Variants in TTC29 observed in about 807,000 individuals in gnomAD.
TTC29 encodes the protein tetratricopeptide repeat protein 29.
A neutral mutation model predicts 58.1 loss-of-function variants in TTC29; 49 were observed. The ratio of observed to expected loss-of-function variants is 0.84; its 90% CI spans 0.67 to 1.07. TTC29 has a LOEUF of 1.07. TTC29 is among the 50% of genes least tolerant of loss of function. TTC29 has a pLI of 0.00. For missense variants in TTC29, 582 were observed against 555.6 expected, an observed-to-expected ratio of 1.05 and a Z score of -0.48; for synonymous variants, 209 against 196.8, an observed-to-expected ratio of 1.06 and a Z score of -0.52.
chr4:146,768,532 G>T (rs1426075915), intron 11 of TTC29, among the ~76,000 whole-genome samples: 1 of 151,820 alleles, frequency 6.6e-6, no homozygotes, highest in African/African-American at 2.4e-5. Context: ...CAGTCTAAAA[G>T]CAAAATTAAA....
chr4:146,728,496 T>C (rs1743958010), intron 11 of TTC29, among the ~76,000 whole-genome samples: 1 of 151,470 alleles, frequency 6.6e-6, no homozygotes, highest in Non-Finnish European at 1.5e-5. Flanking sequence ...CTTCCTTTAC[T>C]CTCCTGAAAT....
chr4:146,793,827 A>G lies in TTC29; in HGVS notation c.1330+9630T>C, dbSNP rs112484894. 1.6e-3 allele frequency among the ~76,000 whole-genome samples: 244 copies of G among 152,300 alleles called. 1 individual carries two copies. The highest frequency in any genetic ancestry group is 5.7e-3 in the African/African-American group (239 of 41,584). On this transcript the variant is annotated intron_variant, in intron 11 of 12. Transcript: ENST00000325106. Reference sequence around the variant, plus strand: ...ATTCCTATGTTAGATATGGTAAGTGACAGCATTATGCATGATTACCTATGC... The same window carrying G: ...ATTCCTATGTTAGATATGGTAAGTGGCAGCATTATGCATGATTACCTATGC...
rs564530233 is a variant in TTC29 at position 146,809,332 on chromosome 4, G to C, written c.1102-5647C>G. On this transcript the variant is annotated intron_variant, in intron 10 of 12. Coordinates refer to ENST00000325106, the MANE Select transcript of TTC29 (RefSeq NM_031956.4). The stretch of plus-strand genomic sequence containing the variant: ...CATTCAGGACATAGGCATGGGCAAA[G>C]ACTTCATGACTAAAGCACCAAAAGC... Among the ~76,000 whole-genome samples the C allele has an allele frequency of 3.3e-4, 49 of 150,064 alleles. 2 individuals are homozygous for C. The highest frequency in any genetic ancestry group is 5.2e-4 in the Non-Finnish European group (35 of 67,700).
intron 4 of TTC29, among the ~76,000 whole-genome samples, chr4:146,915,844 G>A (rs867207433): frequency 2.6e-5 from 4 of 151,206 alleles, no homozygotes; most frequent in East Asian, 1.9e-4. Flanking sequence ...TTTCAAAAGC[G>A]GTTCAATAAA....
intron 4 of TTC29, among the ~76,000 whole-genome samples, chr4:146,915,019 C>G (rs1350304977): frequency 1.3e-5 from 2 of 152,162 alleles, no homozygotes; most frequent in Non-Finnish European, 2.9e-5. Context: ...CACAATGTGT[C>G]AGGCACTGTG....
intron 10 of TTC29, among the ~76,000 whole-genome samples, chr4:146,809,798 G>T (rs150540309): frequency 1.3e-5 from 2 of 149,808 alleles, no homozygotes; most frequent in East Asian, 2.0e-4. Flanking sequence ...AAATAGAAAC[G>T]TTTTTATCCG....
intron 6 of TTC29, among the ~76,000 whole-genome samples, chr4:146,903,122 T>G (rs889974428): frequency 2.2e-4 from 34 of 152,308 alleles, no homozygotes; most frequent in Middle Eastern, 3.4e-3. Context: ...AAATGAGTAT[T>G]ACATTCAGGA....
chr4:146,871,754 G>T (rs550220038), intron 7 of TTC29, among the ~76,000 whole-genome samples: 11 of 151,814 alleles, frequency 7.2e-5, no homozygotes, highest in African/African-American at 2.4e-4. Context: ...AAAAATTAAA[G>T]AATATTTAAA....
At chr4:146,891,944 C>T (rs1732394005) in intron 6 of TTC29, among the ~76,000 whole-genome samples, 1 of 152,024 alleles carries the variant, frequency 6.6e-6, no homozygotes, top group Non-Finnish European at 1.5e-5. Context: ...GTTCAGGCAC[C>T]CCTGATGTCT....
intron 11 of TTC29, among the ~76,000 whole-genome samples, chr4:146,747,962 C>T (rs896004445): frequency 8.5e-5 from 13 of 152,214 alleles, no homozygotes; most frequent in African/African-American, 3.1e-4. Flanking sequence ...TGTTCCCCAC[C>T]CGCTGGAGCC....
At chr4:146,879,326 A>C (rs1188878166) in intron 6 of TTC29, among the ~76,000 whole-genome samples, 1 of 152,198 alleles carries the variant, frequency 6.6e-6, no homozygotes, top group Non-Finnish European at 1.5e-5. Context: ...CATGATTAAC[A>C]ATGATATGAT....
chr4:146,741,505 T>C (rs940746204), intron 11 of TTC29, among the ~76,000 whole-genome samples: 1 of 151,748 alleles, frequency 6.6e-6, no homozygotes, highest in African/African-American at 2.4e-5. Flanking sequence ...TTTTTTTGCT[T>C]ACTTTATTTG....
chr4:146,838,400 A>G (rs1046627004), intron 8 of TTC29, among the ~76,000 whole-genome samples: 3 of 13,140 alleles, frequency 2.3e-4, no homozygotes, highest in Admixed American at 1.9e-3. Flanking sequence ...GTCAACTGTC[A>G]AAAAAAAAAT....
intron 11 of TTC29, among the ~76,000 whole-genome samples, chr4:146,771,426 A>G (rs565361354): frequency 6.6e-6 from 1 of 152,084 alleles, no homozygotes; most frequent in African/African-American, 2.4e-5. Flanking sequence ...TCTGCCCTCC[A>G]GTAGGCCGAG....
At chr4:146,728,777 ATATATG>A (rs1174398830) in intron 11 of TTC29, among the ~76,000 whole-genome samples, 36 of 120,368 alleles carry the variant, frequency 3.0e-4, no homozygotes, top group African/African-American at 1.0e-3. Flanking sequence ...ATATACACAT[ATATATG>A]TGTATATATA....
chr4:146,851,277 A>T lies in TTC29; in HGVS notation c.885+16221T>A, dbSNP rs1356758704. ...AGTAATCTTCATGCCACAGGTGAAG[A>T]AACTGAAGCACAAGATGGGCCAAAT... On this transcript the variant is annotated intron_variant, in intron 8 of 12. Transcript: ENST00000325106. 2.6e-5 allele frequency among the ~76,000 whole-genome samples: 4 copies of T among 152,214 alleles called. No homozygotes were observed. The East Asian group carries it at 7.7e-4, about 29-fold the overall frequency.
At chr4:146,930,813 A>T (rs1424320527) in intron 4 of TTC29, among the ~76,000 whole-genome samples, 3 of 152,182 alleles carry the variant, frequency 2.0e-5, no homozygotes. Context: ...TGGCTGATTC[A>T]TCCTCTGTGG....
At chr4:146,716,254 T>C (rs1424252620) in intron 11 of TTC29, among the ~76,000 whole-genome samples, 1 of 152,168 alleles carries the variant, frequency 6.6e-6, no homozygotes, top group Non-Finnish European at 1.5e-5. Flanking sequence ...GACCAAATTA[T>C]GTGCAGTGTA....
intron 11 of TTC29, among the ~76,000 whole-genome samples, chr4:146,715,006 A>C (rs969534437): frequency 1.3e-5 from 2 of 152,026 alleles, no homozygotes; most frequent in African/African-American, 4.8e-5. Flanking sequence ...CTAATTAAAA[A>C]AAAAAAATTC....
Sources: gnomAD v4.1 joint callset for allele counts (sites outside exome capture counted in the v4.1 genomes callset) on GRCh38, gnomAD v4.1.1 for gene constraint, MANE v1.5 for transcripts, NCBI Gene and HGNC (gene_info 2026-07-23, HGNC 2026-07-21) for gene names.